Variants in FBLN7 observed in about 807,000 individuals in gnomAD.
FBLN7 encodes the protein fibulin 7.
A neutral mutation model predicts 44.0 loss-of-function variants in FBLN7; 31 were observed. The ratio of observed to expected loss-of-function variants is 0.70; its 90% confidence interval spans 0.53 to 0.95. FBLN7 has a LOEUF of 0.95. FBLN7 is among the 40% of genes least tolerant of loss of function. FBLN7 has a pLI of 0.00. For synonymous variants in FBLN7, 262 were observed against 253.4 expected (o/e 1.03, Z -0.32); for missense variants, 573 against 618.5 (o/e 0.93, Z 0.78).
intron 1 of FBLN7, among the ~76,000 whole-genome samples, chr2:112,154,423 C>A (rs72831618): frequency 6.6e-6 from 1 of 152,104 alleles, no homozygotes; most frequent in Non-Finnish European, 1.5e-5. Context: ...TTCGAGGGGA[C>A]GGCCTCTGGA....
In FBLN7 at chr2:112,165,107, C is replaced by G. The variant is rs759204746; in HGVS notation, c.342C>G (p.Val114=). The change falls in exon 3 of 8, where the codon GTC becomes GTG. Residue 114 remains valine, a synonymous_variant. Transcript: ENST00000331203. ...HFTCNPGFRL[V]GPSSVVCLPN... ...CCTGCAACCCTGGGTTCCGGCTGGT[C>G]GGGCCCAGCAGCGTGGTGTGTCTTC... 6.2e-7 allele frequency: 1 copy of G among 1,614,172 alleles called. No individual in the cohort carries two copies. The highest frequency in any genetic ancestry group is 8.5e-7 in the Non-Finnish European group (1 of 1,180,040).
At chr2:112,153,269 C>T (rs1003856865) in intron 1 of FBLN7, 2 of 152,202 alleles carry the variant, frequency 1.3e-5, no homozygotes, top group Non-Finnish European at 2.9e-5. Flanking sequence ...GTAAGTTGCT[C>T]GGTCCTTTCA....
chr2:112,237,950 T>A, the FBLN7 span, among the ~76,000 whole-genome samples: 1 of 152,186 alleles, frequency 6.6e-6, no homozygotes, highest in Non-Finnish European at 1.5e-5. Flanking sequence ...TATTTCTGAG[T>A]TACAGTCTGA....
chr2:112,232,400 T>G, the FBLN7 span, among the ~76,000 whole-genome samples: 1 of 151,264 alleles, frequency 6.6e-6, no homozygotes, highest in Non-Finnish European at 1.5e-5. Context: ...CTAACTGGAA[T>G]ACATTTAAAA....
chr2:112,238,868 A>G, the FBLN7 span, among the ~76,000 whole-genome samples: 1 of 152,264 alleles, frequency 6.6e-6, no homozygotes, highest in Non-Finnish European at 1.5e-5. Context: ...AGAGGATTAC[A>G]GTATTACAGT....
chr2:112,165,032 C>A lies in FBLN7; in HGVS notation c.267C>A (p.Asp89Glu), dbSNP rs368980413. ...VSCPALNTPA[D>E]GRKFGSKYLV... is the part of the protein sequence containing the mutation. The stretch of plus-strand genomic sequence containing the variant: ...GCCCGGCTCTGAACACCCCCGCAGA[C>A]GGCAGAAAGTTTGGAAGCAAGTACT... The change falls in exon 3 of 8, where the codon GAC becomes GAA. Residue 89 changes from aspartate (D) to glutamate (E), a missense_variant. By Grantham distance (45) the Asp-to-Glu change is conservative. Transcript: ENST00000331203. The A allele has an allele frequency of 6.2e-7, 1 of 1,614,130 alleles. No homozygotes were observed. Among genetic ancestry groups the A allele is most frequent in the Non-Finnish European group, 8.5e-7 (1 of 1,180,028 alleles).
the FBLN7 span, chr2:112,238,316 C>A: frequency 6.2e-7 from 1 of 1,612,938 alleles, no homozygotes; most frequent in Non-Finnish European, 8.5e-7. Context: ...GACTCTTACC[C>A]TGTGGGGTAT....
the FBLN7 span, chr2:112,234,252 C>T: frequency 6.6e-7 from 1 of 1,522,438 alleles, no homozygotes; most frequent in Non-Finnish European, 8.9e-7. Flanking sequence ...AAAACAAAAA[C>T]AAAAAAACTA....
chr2:112,237,398 C>T, the FBLN7 span, among the ~76,000 whole-genome samples: 1 of 152,190 alleles, frequency 6.6e-6, no homozygotes, highest in East Asian at 1.9e-4. Context: ...TCAGATTTTT[C>T]ACTGAAAACA....
intron 1 of FBLN7, among the ~76,000 whole-genome samples, chr2:112,140,509 G>A (rs905197625): frequency 6.6e-6 from 1 of 152,176 alleles, no homozygotes; most frequent in African/African-American, 2.4e-5. Flanking sequence ...CACCTCAGAT[G>A]CATCGCTGGC....
chr2:112,242,781 CTCT>C, the FBLN7 span, among the ~76,000 whole-genome samples: 1 of 152,164 alleles, frequency 6.6e-6, no homozygotes, highest in African/African-American at 2.4e-5. Flanking sequence ...TACTCCAGCT[CTCT>C]TCTGATTAAA....
the FBLN7 span, among the ~76,000 whole-genome samples, chr2:112,206,733 G>GTTTT: frequency 8.1e-6 from 1 of 123,032 alleles, no homozygotes; most frequent in African/African-American, 3.0e-5. Flanking sequence ...CTTATTGACT[G>GTTTT]TTTTTTTTTT....
intron 3 of FBLN7, among the ~76,000 whole-genome samples, chr2:112,171,528 A>G (rs1168628987): frequency 6.6e-6 from 1 of 151,986 alleles, no homozygotes; most frequent in Non-Finnish European, 1.5e-5. Flanking sequence ...GAGTAGAAAG[A>G]GCTGCCTTTT....
intron 1 of FBLN7, among the ~76,000 whole-genome samples, chr2:112,145,925 G>A (rs1409885725): frequency 6.6e-6 from 1 of 152,246 alleles, no homozygotes; most frequent in Non-Finnish European, 1.5e-5. Flanking sequence ...ATTGAGTAAA[G>A]TGGGTCCTCC....
At chr2:112,190,868 C>G (rs1466058278), downstream of FBLN7, among the ~76,000 whole-genome samples, 1 of 152,110 alleles carries the variant, frequency 6.6e-6, no homozygotes, top group Non-Finnish European at 1.5e-5. Flanking sequence ...GCTTTAGTGG[C>G]TAGAGCTAGG....
rs1682053830 is a variant in FBLN7 at position 112,164,758 on chromosome 2, A to G, written c.236-243A>G. Among the ~76,000 whole-genome samples, 4 of 152,216 alleles carry G rather than the reference A, an allele frequency of 2.6e-5. No individual in the cohort carries two copies. The South Asian group carries it at 8.3e-4, about 31-fold the overall frequency. ...TCCCACGCTTCGAGGCCTTGCACAC[A>G]GCACTTAGTGTCTCTGAGCCCCAGT... On this transcript the variant is annotated intron_variant, in intron 2 of 7. Coordinates refer to ENST00000331203, the MANE Select transcript of FBLN7 (RefSeq NM_153214.3).
At chr2:112,162,051 C>T (rs938086898) in intron 2 of FBLN7, among the ~76,000 whole-genome samples, 31 of 152,196 alleles carry the variant, frequency 2.0e-4, no homozygotes, top group Admixed American at 1.1e-3. Context: ...GACAAGGTCT[C>T]GCTCTGTCAC....
chr2:112,176,449 C>T (rs905668909), intron 4 of FBLN7: 12 of 152,382 alleles, frequency 7.9e-5, no homozygotes, highest in African/African-American at 2.4e-4. Context: ...TTTCATTCAG[C>T]CCCAAAGATA....
rs558854931 is a variant in FBLN7, at chr2:112,188,030, C to G, written c.*524C>G. On this transcript the variant is annotated 3_prime_UTR_variant, in exon 8 of 8. Coordinates refer to ENST00000331203, the MANE Select transcript of FBLN7 (RefSeq NM_153214.3). The stretch of plus-strand genomic sequence containing the variant: ...TATCTGCCTTTTCCTCTGTGACATG[C>G]CTGCCTGCCTGCCTTCTCATCAGAG... 196 of 159,400 alleles carry G rather than the reference C, an allele frequency of 1.2e-3. No homozygotes were observed. Among genetic ancestry groups the G allele is most frequent in the Middle Eastern group, 9.6e-3 (3 of 314 alleles). 9.9% of individuals were successfully genotyped at this position (159,400 alleles called of 1,614,324 possible).
Sources: gnomAD v4.1 joint callset for allele counts (sites outside exome capture counted in the v4.1 genomes callset) on GRCh38, gnomAD v4.1.1 for gene constraint, MANE v1.5 for transcripts, NCBI Gene and HGNC (gene_info 2026-07-23, HGNC 2026-07-21) for gene names.